SYBU: variants seen among roughly 807,000 people sequenced by gnomAD.
SYBU encodes the protein GOLSYN A protein.
In SYBU, 21 loss-of-function variants were observed where a neutral mutation model predicts 35.9. The ratio of observed to expected loss-of-function variants is 0.58; its 90% CI spans 0.41 to 0.84. The LOEUF (loss-of-function observed/expected upper bound fraction) is 0.84. Ranked by LOEUF, SYBU falls within the 40% of genes least tolerant of loss-of-function variation. The pLI is 0.00. For missense variants in SYBU, 768 were observed against 848.2 expected (o/e 0.91, Z 1.17); for synonymous variants, 319 against 324.3 (o/e 0.98, Z 0.18).
At chr8:109,670,684 C>G (rs1003025970) in intron 1 of SYBU, among the ~76,000 whole-genome samples, 1 of 152,040 alleles carries the variant, frequency 6.6e-6, no homozygotes, top group Admixed American at 6.5e-5. Flanking sequence ...AACATAAGAT[C>G]TTTAAATAAA....
rs774857289 is a variant in SYBU at position 109,575,563 on chromosome 8, T to TATC, written c.1332_1334dup (p.Glu444_Ile445insMet). On this transcript the variant is annotated inframe_insertion, in exon 7 of 7. Transcript: ENST00000276646. ...CAGATTCTGTGGTGGTGGCTGTCAC[T>TATC]ATCTCATCGAACAAATCTGTGCTGT... 6.2e-7 allele frequency: 1 copy of TATC among 1,614,142 alleles called. No homozygotes were observed. Among genetic ancestry groups the TATC allele is most frequent in the South Asian group, 1.1e-5 (1 of 91,082 alleles).
intron 1 of SYBU, among the ~76,000 whole-genome samples, chr8:109,667,389 A>T (rs866768460): frequency 1.3e-5 from 2 of 152,012 alleles, no homozygotes; most frequent in African/African-American, 4.8e-5. Context: ...GGGATTACCA[A>T]TGTGAGCCAC....
At chr8:109,634,798 C>T (rs1266427934) in intron 2 of SYBU, among the ~76,000 whole-genome samples, 1 of 152,228 alleles carries the variant, frequency 6.6e-6, no homozygotes, top group Non-Finnish European at 1.5e-5. Context: ...CAGCTTCTTA[C>T]TCTGATCTAT....
chr8:109,687,288 A>T (rs1390004931), intron 1 of SYBU, among the ~76,000 whole-genome samples: 1 of 152,188 alleles, frequency 6.6e-6, no homozygotes, highest in East Asian at 1.9e-4. Context: ...AGTAAAAATT[A>T]TTTCCAAACT....
intron 3 of SYBU, among the ~76,000 whole-genome samples, chr8:109,593,048 A>G (rs986606124): frequency 4.6e-5 from 7 of 152,212 alleles, no homozygotes; most frequent in Non-Finnish European, 1.0e-4. Flanking sequence ...ATGAAGATTT[A>G]TCTGGGAAGT....
chr8:109,626,980 C>T (rs73704605), intron 2 of SYBU, among the ~76,000 whole-genome samples: 12,432 of 152,266 alleles, frequency 0.082, 664 homozygotes, highest in South Asian at 0.23. Context: ...AAACTGCTGG[C>T]TCCTTTTTGA....
At chr8:109,629,464 C>T (rs1346726269) in intron 2 of SYBU, among the ~76,000 whole-genome samples, 2 of 152,208 alleles carry the variant, frequency 1.3e-5, no homozygotes, top group Non-Finnish European at 2.9e-5. Context: ...GTTTACGCCA[C>T]CTGTTCAAGC....
intron 3 of SYBU, among the ~76,000 whole-genome samples, chr8:109,596,879 A>G (rs1330759095): frequency 6.6e-6 from 1 of 152,234 alleles, no homozygotes; most frequent in African/African-American, 2.4e-5. Flanking sequence ...AATGTATTCC[A>G]TAGGCAAAAA....
chr8:109,637,586 T>C (rs1814367366), intron 2 of SYBU, among the ~76,000 whole-genome samples: 1 of 152,260 alleles, frequency 6.6e-6, no homozygotes, highest in African/African-American at 2.4e-5. Flanking sequence ...AGGGTCTTTT[T>C]TTTTAAATTC....
At chr8:109,668,253 A>G (rs1816839988) in intron 1 of SYBU, among the ~76,000 whole-genome samples, 1 of 151,294 alleles carries the variant, frequency 6.6e-6, no homozygotes, top group Admixed American at 6.6e-5. Context: ...TTAAAGTGAA[A>G]TGCGAGGTGT....
At chr8:109,681,805 C>A (rs1410336387), upstream of SYBU, among the ~76,000 whole-genome samples, 2 of 152,022 alleles carry the variant, frequency 1.3e-5, no homozygotes, top group Non-Finnish European at 2.9e-5. Flanking sequence ...AATTGTAGTT[C>A]CCATAAACTG....
Sources: allele counts gnomAD v4.1 joint callset (sites outside exome capture counted in the v4.1 genomes callset), GRCh38; gene constraint gnomAD v4.1.1; transcripts MANE v1.5; gene names NCBI Gene and HGNC (gene_info 2026-07-23, HGNC 2026-07-21).